Variants in PBLD observed in about 807,000 individuals in gnomAD.
PBLD encodes phenazine biosynthesis like protein domain containing, also known as phenazine biosynthesis-like domain-containing protein.
Under a neutral mutation model 31.3 loss-of-function variants are expected in PBLD, and 26 were observed. The observed-to-expected ratio is 0.83, with a 90% CI of 0.61 to 1.15. The LOEUF is 1.15. PBLD is among the 50% of genes most tolerant of loss of function. The pLI, the probability that PBLD is intolerant of heterozygous loss-of-function variation, is 0.00. For missense variants in PBLD, 307 were observed against 351.7 expected (o/e 0.87, Z 1.02); for synonymous variants, 114 against 129.0 (o/e 0.88, Z 0.79).
chr10:68,298,558 T>A (rs1284751480), intron 2 of PBLD, among the ~76,000 whole-genome samples: 2 of 152,222 alleles, frequency 1.3e-5, no homozygotes, highest in Non-Finnish European at 2.9e-5. Flanking sequence ...TGTAGGTTTT[T>A]AATTTTTCAA....
rs1001007573 is a variant in PBLD at position 68,306,906 on chromosome 10, T to C, written c.-59-3A>G. On this transcript the variant is annotated splice_region_variant and splice_polypyrimidine_tract_variant and intron_variant, in intron 1 of 9. Coordinates refer to ENST00000358769, the MANE Select transcript of PBLD (RefSeq NM_022129.4). ...GCTGGTAGCCTGCTTTACGTCTTCT[T>C]CTTGGAAAAGGAAATCAAAAAGTTA... 7.6e-7 allele frequency: 1 copy of C among 1,322,774 alleles called. No individual in the cohort carries two copies. Among genetic ancestry groups the C allele is most frequent in the Non-Finnish European group, 1.1e-6 (1 of 929,064 alleles). 81.9% of individuals were successfully genotyped at this position (1,322,774 alleles called of 1,614,324 possible).
chr10:68,309,673 TG>T (rs2044635421), intron 1 of PBLD, among the ~76,000 whole-genome samples: 1 of 148,586 alleles, frequency 6.7e-6, no homozygotes, highest in African/African-American at 2.5e-5. Context: ...CTGGGCATGG[TG>T]GCACATGCCT....
intron 1 of PBLD, among the ~76,000 whole-genome samples, chr10:68,308,152 T>C (rs140528433): frequency 1.6e-4 from 25 of 152,300 alleles, no homozygotes; most frequent in African/African-American, 5.3e-4. Flanking sequence ...TCCAATACAA[T>C]TGGAAAACAC....
rs2044258391 is a variant in PBLD at position 68,284,115 on chromosome 10, A to G, written c.*62T>C. The G allele has an allele frequency of 1.1e-5, 16 of 1,464,258 alleles. No individual in the cohort carries two copies. The highest frequency in any genetic ancestry group is 1.4e-5 in the Non-Finnish European group (15 of 1,055,304). The allele number at this position is 1,464,258 out of a possible 1,614,324, so 90.7% of individuals were successfully genotyped here. ...ACATTTGCTAAAGGCAGCCCCTTAC[A>G]TTTCTTTTTAAGCAGAAAATACTTG... On this transcript the variant is annotated 3_prime_UTR_variant, in exon 10 of 10. Coordinates refer to ENST00000358769, the MANE Select transcript of PBLD (RefSeq NM_022129.4).
Position 68,311,986 on chromosome 10 carries a change from T to C in PBLD, c.-59-5083A>G, listed in dbSNP as rs182635825. On this transcript the variant is annotated intron_variant, in intron 1 of 9. Coordinates refer to ENST00000358769, the MANE Select transcript of PBLD (RefSeq NM_022129.4). Reference sequence around the variant, plus strand: ...GATCAAAATTCAAAATTCAAAGTACTGTTTCTGCTGAATGCATATTGTTTT... The same window carrying C: ...GATCAAAATTCAAAATTCAAAGTACCGTTTCTGCTGAATGCATATTGTTTT... 2.0e-5 allele frequency among the ~76,000 whole-genome samples: 3 copies of C among 152,332 alleles called. No homozygotes were observed. In the East Asian group the frequency reaches 5.8e-4, roughly 29 times the overall value.
At chr10:68,320,554 C>T (rs2044818657) in intron 1 of PBLD, among the ~76,000 whole-genome samples, 1 of 152,172 alleles carries the variant, frequency 6.6e-6, no homozygotes, top group South Asian at 2.1e-4. Flanking sequence ...CTCCCATATA[C>T]TTAAATCATC....
At chr10:68,315,093 G>A (rs2044719965) in intron 1 of PBLD, among the ~76,000 whole-genome samples, 1 of 152,018 alleles carries the variant, frequency 6.6e-6, no homozygotes, top group African/African-American at 2.4e-5. Context: ...CCCGGCTGTG[G>A]CTTGTCTTTA....
Position 68,314,598 on chromosome 10 carries a change from CT to C in PBLD, c.-59-7696del, listed in dbSNP as rs966738653. On this transcript the variant is annotated intron_variant, in intron 1 of 9. Coordinates refer to ENST00000358769, the MANE Select transcript of PBLD (RefSeq NM_022129.4). ...GAAGACCCCCACTAACAAGGTTTGT[CT>C]TTTTTTTTTTCTTTTTGAGACAGAA... Among the ~76,000 whole-genome samples the C allele has an allele frequency of 5.0e-3, 733 of 145,250 alleles. 6 individuals carry two copies. The highest frequency in any genetic ancestry group is 0.017 in the African/African-American group (661 of 39,854).
At chr10:68,289,114 G>A in intron 6 of PBLD, 95 bp from the exon 7 acceptor site, 2 of 918,896 alleles carry the variant, frequency 2.2e-6, no homozygotes, top group South Asian at 2.8e-5. Flanking sequence ...AGCATCCACT[G>A]TGAGCCAAGC....
chr10:68,309,059 AC>A (rs2044623818), intron 1 of PBLD, among the ~76,000 whole-genome samples: 2 of 150,350 alleles, frequency 1.3e-5, no homozygotes, highest in African/African-American at 4.9e-5. Context: ...TAGTTTGTTT[AC>A]AGTTTTCCTG....
At chr10:68,318,009 C>T (rs1181521290) in intron 1 of PBLD, among the ~76,000 whole-genome samples, 3 of 152,036 alleles carry the variant, frequency 2.0e-5, no homozygotes, top group Admixed American at 6.5e-5. Context: ...GGGCAGATCA[C>T]GAGGTCAGGA....
chr10:68,286,940 C>G (rs1217635134), intron 8 of PBLD: 1 of 151,956 alleles, frequency 6.6e-6, no homozygotes, highest in African/African-American at 2.4e-5. Flanking sequence ...CCAGCCTGGC[C>G]AACATGGCAA....
At chr10:68,299,358 A>G (rs1177445592) in intron 2 of PBLD, among the ~76,000 whole-genome samples, 2 of 152,116 alleles carry the variant, frequency 1.3e-5, no homozygotes, top group Non-Finnish European at 2.9e-5. Context: ...GGCCAAATTT[A>G]TTGCTCTTGA....
At chr10:68,294,393 C>T (rs1490149000) in intron 4 of PBLD, among the ~76,000 whole-genome samples, 1 of 152,190 alleles carries the variant, frequency 6.6e-6, no homozygotes. Context: ...AAGGAGACAC[C>T]TGCTCTCAGC....
chr10:68,316,156 T>A (rs2044733896), intron 1 of PBLD, among the ~76,000 whole-genome samples: 1 of 152,144 alleles, frequency 6.6e-6, no homozygotes, highest in Non-Finnish European at 1.5e-5. Flanking sequence ...AGTCCCAATG[T>A]CGGGCTTACT....
At position 68,310,365 on chromosome 10, in the gene PBLD, GTATATA is replaced by G. The variant is rs34887418; in HGVS notation, c.-59-3468_-59-3463del. On this transcript the variant is annotated intron_variant, in intron 1 of 9. Transcript: ENST00000358769. ...ATCATGTACAATATAATGTTTTGAA[GTATATA>G]TATATATATATATACACATTGTGAA... Among the ~76,000 whole-genome samples, 874 of 140,352 alleles carry G rather than the reference GTATATA, an allele frequency of 6.2e-3. 47 individuals are homozygous for G. The highest frequency in any genetic ancestry group is 0.022 in the African/African-American group (834 of 38,078). 92.1% of individuals were successfully genotyped at this position (140,352 alleles called of 152,430 possible). A position where few individuals can be genotyped will look rare whatever the true frequency, so the allele number is the denominator to read the frequency against.
intron 4 of PBLD, among the ~76,000 whole-genome samples, chr10:68,292,512 C>CTTTTTTTTTTTTTT (rs66894235): frequency 2.7e-5 from 4 of 147,168 alleles, no homozygotes; most frequent in African/African-American, 2.5e-5. Flanking sequence ...ACTTAGCCTC[C>CTTTTTTTTTTTTTT]TTTTTTTTTT....
rs138713800 is a variant in PBLD, at chr10:68,289,435, G to C, written c.424-416C>G. On this transcript the variant is annotated intron_variant, in intron 6 of 9. Coordinates refer to ENST00000358769, the MANE Select transcript of PBLD (RefSeq NM_022129.4). ...TCAGCTACTCGGGAGGCTGAGGCAA[G>C]AGAATCACTTGAACCTGGTGAACCA... Among the ~76,000 whole-genome samples the C allele has an allele frequency of 1.5e-3, 228 of 152,164 alleles. 10 individuals carry two copies. In the East Asian group the frequency reaches 0.035, roughly 23 times the overall value.
At chr10:68,325,824 C>A (rs1327015023) in intron 1 of PBLD, among the ~76,000 whole-genome samples, 1 of 152,220 alleles carries the variant, frequency 6.6e-6, no homozygotes, top group Non-Finnish European at 1.5e-5. Context: ...CAACACTTAA[C>A]TCATGAGTTG....
Sources: gnomAD v4.1 joint callset for allele counts (sites outside exome capture counted in the v4.1 genomes callset) on GRCh38, gnomAD v4.1.1 for gene constraint, MANE v1.5 for transcripts, NCBI Gene and HGNC (gene_info 2026-07-23, HGNC 2026-07-21) for gene names.